The following ZNF33A variants were observed in gnomAD, a reference collection of about 807,000 sequenced individuals.
ZNF33A encodes brain my041 protein.
Under a neutral mutation model 15.9 loss-of-function variants are expected in ZNF33A, and 9 were observed. The observed-to-expected ratio is 0.57, with a 90% confidence interval of 0.34 to 0.99. The LOEUF is 0.99. Among genes scored for constraint, ZNF33A ranks in the 50% least tolerant of loss-of-function variants. The pLI, the probability that ZNF33A is intolerant of heterozygous loss-of-function variation, is 0.02. For synonymous variants in ZNF33A, 294 were observed against 324.2 expected, an observed-to-expected ratio of 0.91 and a Z score of 1.00; for missense variants, 843 against 941.6, an observed-to-expected ratio of 0.90 and a Z score of 1.37.
At chr10:38,031,182 G>A (rs1214775472) in intron 4 of ZNF33A, among the ~76,000 whole-genome samples, 12 of 152,176 alleles carry the variant, frequency 7.9e-5, no homozygotes, top group Admixed American at 7.2e-4. Context: ...GGCTGATATT[G>A]AACTATAGTT....
At chr10:38,049,469 G>A (rs987290222) in intron 4 of ZNF33A, among the ~76,000 whole-genome samples, 1 of 152,022 alleles carries the variant, frequency 6.6e-6, no homozygotes, top group African/African-American at 2.4e-5. Flanking sequence ...TTTGTATTAT[G>A]TGCGTATATA....
At chr10:38,051,825 A>G (rs1427600039) in intron 4 of ZNF33A, among the ~76,000 whole-genome samples, 2 of 152,096 alleles carry the variant, frequency 1.3e-5, no homozygotes, top group Non-Finnish European at 2.9e-5. Flanking sequence ...CCCATCAATT[A>G]TGTAGTCATC....
In ZNF33A at chr10:38,055,695, C is replaced by G. The variant is rs1564880758; in HGVS notation, c.1571C>G (p.Pro524Arg). 6.2e-7 allele frequency: 1 copy of G among 1,613,830 alleles called. No individual in the cohort carries two copies. ...RHQIIHTGWK[P>R]YECYECGKTF... is the part of the protein sequence containing the mutation. The stretch of plus-strand genomic sequence containing the variant: ...CAGATAATTCATACAGGGTGGAAAC[C>G]TTATGAATGTTATGAATGTGGGAAA... Residue 524 changes from proline to arginine, a missense_variant, in exon 5 of 5, where the codon CCT (proline) becomes CGT (arginine). Coordinates refer to ENST00000432900, the MANE Select transcript of ZNF33A (RefSeq NM_006954.2).
intron 3 of ZNF33A, 80 bp downstream of exon 3, chr10:38,017,095 T>G (rs1437294370): frequency 2.0e-6 from 3 of 1,531,798 alleles, no homozygotes; most frequent in Non-Finnish European, 2.6e-6. Flanking sequence ...GTCTGTATAG[T>G]TTAATGATAT....
chr10:38,062,731 C>T (rs868240990), downstream of ZNF33A, among the ~76,000 whole-genome samples: 10 of 151,590 alleles, frequency 6.6e-5, no homozygotes, highest in Middle Eastern at 3.4e-3. Flanking sequence ...AGGCTGGGTG[C>T]GGTGGCTCAC....
At chr10:38,067,694 C>T (rs1327801556), downstream of ZNF33A, among the ~76,000 whole-genome samples, 1 of 147,972 alleles carries the variant, frequency 6.8e-6, no homozygotes, top group Non-Finnish European at 1.5e-5. Context: ...GGGTGATAGC[C>T]TTCATCCAGA....
At chr10:38,023,932 G>A (rs1354146940) in intron 4 of ZNF33A, among the ~76,000 whole-genome samples, 1 of 152,122 alleles carries the variant, frequency 6.6e-6, no homozygotes, top group Non-Finnish European at 1.5e-5. Flanking sequence ...GCTGAGGCAG[G>A]TGGATCACCT....
intron 4 of ZNF33A, among the ~76,000 whole-genome samples, chr10:38,050,420 T>A (rs989934533): frequency 2.0e-5 from 3 of 152,250 alleles, no homozygotes; most frequent in Admixed American, 1.3e-4. Flanking sequence ...GTTGCTGCAC[T>A]CTTGTAAGAA....
At chr10:38,028,055 C>A (rs188998637) in intron 4 of ZNF33A, among the ~76,000 whole-genome samples, 2 of 152,026 alleles carry the variant, frequency 1.3e-5, no homozygotes, top group East Asian at 3.9e-4. Context: ...TCTCTTGAGC[C>A]CAGGAGTTGG....
At position 38,058,051 on chromosome 10, in the gene ZNF33A, T is replaced by C; in HGVS notation, c.*1491T>C. 1.0e-6 allele frequency: 1 copy of C among 984,524 alleles called. No individual in the cohort carries two copies. The highest frequency in any genetic ancestry group is 1.2e-6 in the Non-Finnish European group (1 of 829,172). The allele number at this position is 984,524 out of a possible 1,614,324, so 61.0% of individuals were successfully genotyped here. On this transcript the variant is annotated 3_prime_UTR_variant, in exon 5 of 5. Coordinates refer to ENST00000432900, the MANE Select transcript of ZNF33A (RefSeq NM_006954.2). ...ATACAAATAATCTAAGATTATACAG[T>C]CTAGTGATCCTAGATTACACAAGTA... is the stretch of plus-strand genomic sequence containing the variant.
At chr10:38,024,989 G>C (rs1017183308) in intron 4 of ZNF33A, among the ~76,000 whole-genome samples, 1 of 152,244 alleles carries the variant, frequency 6.6e-6, no homozygotes, top group Non-Finnish European at 1.5e-5. Flanking sequence ...TGAAGTGCCA[G>C]AGTAGTGATG....
In ZNF33A at chr10:38,056,126, A is replaced by G; in HGVS notation, c.2002A>G (p.Asn668Asp). The change falls in exon 5 of 5, where the codon AAT becomes GAT. Residue 668 changes from asparagine (N) to aspartate (D), a missense_variant. Asn to Asp is a conservative substitution (Grantham distance 23, BLOSUM62 1). Transcript: ENST00000432900. ...THTQEKPYKC[N>D]ECGKSFCVKS... ...TACACAAGAAAAGCCCTATAAATGT[A>G]ATGAATGTGGAAAATCTTTCTGTGT... The G allele has an allele frequency of 6.2e-7, 1 of 1,614,092 alleles. No homozygotes were observed. The highest frequency in any genetic ancestry group is 1.1e-5 in the South Asian group (1 of 91,086).
intron 1 of ZNF33A, among the ~76,000 whole-genome samples, chr10:38,011,725 C>A (rs1424825347): frequency 1.3e-5 from 2 of 152,158 alleles, no homozygotes; most frequent in Non-Finnish European, 2.9e-5. Flanking sequence ...ACCCCTAAGC[C>A]AGTACTGTCT....
chr10:38,016,221 CAATT>C (rs2079587567), intron 2 of ZNF33A, among the ~76,000 whole-genome samples: 1 of 152,192 alleles, frequency 6.6e-6, no homozygotes, highest in Admixed American at 6.5e-5. Context: ...AATGTACTGA[CAATT>C]TATTTCTGTG....
intron 2 of ZNF33A, among the ~76,000 whole-genome samples, chr10:38,014,778 T>G (rs983750820): frequency 3.3e-5 from 5 of 152,252 alleles, no homozygotes; most frequent in African/African-American, 1.2e-4. Flanking sequence ...ATCCTGGCTC[T>G]TCCTAGTTCC....
chr10:38,032,012 A>G (rs1042479180), intron 4 of ZNF33A, among the ~76,000 whole-genome samples: 1 of 152,154 alleles, frequency 6.6e-6, no homozygotes, highest in Non-Finnish European at 1.5e-5. Flanking sequence ...CATATTGTAT[A>G]CTATTTGTTG....
Position 38,057,376 on chromosome 10 carries a change from A to G in ZNF33A, c.*816A>G. The G allele has an allele frequency of 1.0e-6, 1 of 985,440 alleles. No individual in the cohort carries two copies. Among genetic ancestry groups the G allele is most frequent in the Non-Finnish European group, 1.2e-6 (1 of 829,932 alleles). 61.0% of individuals were successfully genotyped at this position (985,440 alleles called of 1,614,324 possible). A position where few individuals can be genotyped will look rare whatever the true frequency, so the allele number is the denominator to read the frequency against. On this transcript the variant is annotated 3_prime_UTR_variant, in exon 5 of 5. Coordinates refer to ENST00000432900, the MANE Select transcript of ZNF33A (RefSeq NM_006954.2). Reference sequence around the variant, plus strand: ...AGATAAATTGAATAATCAGGGCAATAGCATTAAGCACATCTGCGAATTATC... The same window carrying G: ...AGATAAATTGAATAATCAGGGCAATGGCATTAAGCACATCTGCGAATTATC...
At chr10:38,027,068 A>G (rs1184573484) in intron 4 of ZNF33A, among the ~76,000 whole-genome samples, 1 of 151,966 alleles carries the variant, frequency 6.6e-6, no homozygotes, top group Non-Finnish European at 1.5e-5. Flanking sequence ...CTTGCATTCC[A>G]TTTGTCTGTC....
At position 38,056,385 on chromosome 10, in the gene ZNF33A, G is replaced by T; in HGVS notation, c.2261G>T (p.Cys754Phe). The T allele has an allele frequency of 6.2e-7, 1 of 1,614,128 alleles. No homozygotes were observed. Among genetic ancestry groups the T allele is most frequent in the Non-Finnish European group, 8.5e-7 (1 of 1,179,970 alleles). The change falls in exon 5 of 5, where the codon TGC (cysteine) becomes TTC (phenylalanine). Residue 754 changes from cysteine to phenylalanine, a missense_variant. By Grantham distance (205) the Cys-to-Phe change is radical (BLOSUM62 -2). Coordinates refer to ENST00000432900, the MANE Select transcript of ZNF33A (RefSeq NM_006954.2). ...TGEKPYECNT[C>F]RKTFSQKSNL... is the part of the protein sequence containing the mutation. ...GAAAAGCCCTATGAATGTAACACAT[G>T]CAGGAAAACTTTCTCTCAAAAGTCA...
Sources: allele counts gnomAD v4.1 joint callset (sites outside exome capture counted in the v4.1 genomes callset), GRCh38; gene constraint gnomAD v4.1.1; transcripts MANE v1.5; gene names NCBI Gene and HGNC (gene_info 2026-07-23, HGNC 2026-07-21).